ECT2L: variants seen among roughly 807,000 people sequenced by gnomAD.
The protein encoded by ECT2L is epithelial cell transforming 2 like.
ECT2L carries 126 observed loss-of-function variants against 122.8 expected under a neutral mutation model. The observed-to-expected ratio is 1.03, with a 90% CI of 0.89 to 1.19. ECT2L has a LOEUF of 1.19. Ranked by LOEUF, ECT2L falls within the 50% of genes most tolerant of loss-of-function variation. The pLI is 0.00. For synonymous variants in ECT2L, 385 were observed against 381.8 expected, an observed-to-expected ratio of 1.01 and a Z score of -0.10; for missense variants, 1,012 against 1,064.1, an observed-to-expected ratio of 0.95 and a Z score of 0.68.
At chr6:138,824,558 T>TAAAAAAAAAAAAAAAA (rs748380178) in intron 4 of ECT2L, among the ~76,000 whole-genome samples, 1 of 131,748 alleles carries the variant, frequency 7.6e-6, no homozygotes, top group Non-Finnish European at 1.6e-5. Context: ...AAAAAAACTA[T>TAAAAAAAAAAAAAAAA]AAAAAAAAAC....
At chr6:138,877,280 A>G (rs1402005439) in intron 14 of ECT2L, among the ~76,000 whole-genome samples, 1 of 152,200 alleles carries the variant, frequency 6.6e-6, no homozygotes, top group Non-Finnish European at 1.5e-5. Flanking sequence ...GGCTGCAGAC[A>G]GTGCAGGCCG....
chr6:138,887,677 T>C (rs550758391), intron 19 of ECT2L, among the ~76,000 whole-genome samples: 1 of 152,350 alleles, frequency 6.6e-6, no homozygotes, highest in East Asian at 1.9e-4. Flanking sequence ...TCTTACAGTT[T>C]TCCTGACTTC....
At position 138,882,780 on chromosome 6, in the gene ECT2L, T is replaced by G. The variant is rs1384204855; in HGVS notation, c.1937T>G (p.Val646Gly). ...CAGGAATGGGGCCCAGCTCACTGTG[T>G]GGGAGAAATAGTCACGAAGTTTGGA... ...RLQEWGPAHC[V>G]GEIVTKFGSQ... The change falls in exon 16 of 22, where the codon GTG becomes GGG. Residue 646 changes from valine to glycine, a missense_variant. By Grantham distance (109) the Val-to-Gly change is moderately radical. Transcript: ENST00000541398. 1 of 1,614,206 alleles carries G rather than the reference T, an allele frequency of 6.2e-7. No individual in the cohort carries two copies. The highest frequency in any genetic ancestry group is 1.1e-5 in the South Asian group (1 of 91,084).
chr6:138,811,030 T>A (rs1297928216), intron 1 of ECT2L, among the ~76,000 whole-genome samples: 1 of 152,178 alleles, frequency 6.6e-6, no homozygotes, highest in Non-Finnish European at 1.5e-5. Context: ...TCTAATCCTC[T>A]CCCCTTGAGT....
intron 4 of ECT2L, among the ~76,000 whole-genome samples, chr6:138,816,550 T>C (rs1776073979): frequency 6.6e-6 from 1 of 152,130 alleles, no homozygotes; most frequent in African/African-American, 2.4e-5. Context: ...AGTGGCGCGA[T>C]CTCAGCTCAC....
chr6:138,887,890 G>A (rs931806695), intron 19 of ECT2L, among the ~76,000 whole-genome samples: 1 of 152,090 alleles, frequency 6.6e-6, no homozygotes, highest in African/African-American at 2.4e-5. Flanking sequence ...AGCTGTCAGC[G>A]GCTTCTTTGT....
chr6:138,817,779 C>G (rs557814445), intron 4 of ECT2L, among the ~76,000 whole-genome samples: 1 of 152,166 alleles, frequency 6.6e-6, no homozygotes, highest in African/African-American at 2.4e-5. Flanking sequence ...CTCTGGCAAA[C>G]TAAAATGTCC....
intron 1 of ECT2L, among the ~76,000 whole-genome samples, chr6:138,801,647 C>T (rs574766063): frequency 5.9e-5 from 9 of 152,134 alleles, no homozygotes; most frequent in East Asian, 1.9e-4. Flanking sequence ...CCCAGCTACT[C>T]AGGAGGCTGA....
chr6:138,871,621 C>T (rs752088280), intron 13 of ECT2L, among the ~76,000 whole-genome samples: 4 of 152,130 alleles, frequency 2.6e-5, no homozygotes, highest in Non-Finnish European at 5.9e-5. Context: ...GCCTGGCCAA[C>T]ATGGTGAGAC....
At chr6:138,883,862 T>G (rs1778721748) in intron 16 of ECT2L, among the ~76,000 whole-genome samples, 1 of 152,186 alleles carries the variant, frequency 6.6e-6, no homozygotes, top group Non-Finnish European at 1.5e-5. Context: ...GTTAGTTATT[T>G]GGTTGTGGGG....
chr6:138,843,980 C>T (rs964709882), intron 6 of ECT2L, among the ~76,000 whole-genome samples: 2 of 152,156 alleles, frequency 1.3e-5, no homozygotes, highest in Non-Finnish European at 2.9e-5. Flanking sequence ...AGAGCCACGG[C>T]GCCCAGCCTC....
chr6:138,864,268 G>A (rs987820569), intron 11 of ECT2L, among the ~76,000 whole-genome samples: 11 of 152,136 alleles, frequency 7.2e-5, no homozygotes, highest in African/African-American at 2.7e-4. Flanking sequence ...GTTGCAGTGA[G>A]CTGAGGTCGT....
chr6:138,832,470 T>A (rs2128384338), intron 4 of ECT2L, among the ~76,000 whole-genome samples: 1 of 152,280 alleles, frequency 6.6e-6, no homozygotes, highest in Non-Finnish European at 1.5e-5. Flanking sequence ...GTTTCTTATT[T>A]TCTCACCAGC....
At chr6:138,809,533 A>C (rs184138148) in intron 1 of ECT2L, among the ~76,000 whole-genome samples, 209 of 152,342 alleles carry the variant, frequency 1.4e-3, no homozygotes, top group African/African-American at 4.8e-3. Flanking sequence ...TTTTTTGTTC[A>C]TAATGAGAAG....
chr6:138,824,538 C>CAA (rs1456788546), intron 4 of ECT2L, among the ~76,000 whole-genome samples: 1 of 56,398 alleles, frequency 1.8e-5, no homozygotes, highest in African/African-American at 6.3e-5. Context: ...TCCAAAAAAG[C>CAA]AATAAAAAAA....
At chr6:138,902,399 TA>T in intron 21 of ECT2L, 100 bp from the exon 22 acceptor site, 1 of 1,145,162 alleles carries the variant, frequency 8.7e-7, no homozygotes. Context: ...TTTTAGGTTT[TA>T]AAAAATTCTT....
At chr6:138,829,431 C>G (rs1776574645) in intron 4 of ECT2L, among the ~76,000 whole-genome samples, 1 of 152,126 alleles carries the variant, frequency 6.6e-6, no homozygotes. Flanking sequence ...ACTCTCAATT[C>G]AAATTCAAGT....
At position 138,886,934 on chromosome 6, in the gene ECT2L, T is replaced by C. The variant is rs367815775; in HGVS notation, c.2325+12T>C. On this transcript the variant is annotated intron_variant, in intron 19 of 21. Transcript: ENST00000541398. The stretch of plus-strand genomic sequence containing the variant: ...TCTGGGGATGCCCTGTATGTATTCT[T>C]AGGAACTTGCTGTATCTCATGCTCA... 2.5e-6 allele frequency: 4 copies of C among 1,606,688 alleles called. No individual in the cohort carries two copies. In the African/African-American group the frequency reaches 5.4e-5, roughly 21 times the overall value.
Position 138,895,889 on chromosome 6 carries a change from G to A in ECT2L, c.2415-5059G>A, listed in dbSNP as rs113998526. ...ACAATAACTATGACACAAAAAGAAC[G>A]AGTAAGTGTTTGCATCCTAAATGAA... On this transcript the variant is annotated intron_variant, in intron 20 of 21. Transcript: ENST00000541398. 6.0e-3 allele frequency among the ~76,000 whole-genome samples: 910 copies of A among 152,076 alleles called. 9 individuals carry two copies. The highest frequency in any genetic ancestry group is 0.019 in the African/African-American group (778 of 41,484).
Sources: gnomAD v4.1 joint callset for allele counts (sites outside exome capture counted in the v4.1 genomes callset) on GRCh38, gnomAD v4.1.1 for gene constraint, MANE v1.5 for transcripts, NCBI Gene and HGNC (gene_info 2026-07-23, HGNC 2026-07-21) for gene names.